The following OR1J2 variants were observed in gnomAD, a reference collection of about 807,000 sequenced individuals.
OR1J2 encodes olfactory receptor family 1 subfamily J member 2.
For synonymous variants in OR1J2, 142 were observed against 99.7 expected (o/e 1.42, Z -2.52); for missense variants, 304 against 246.1 (o/e 1.24, Z -1.57).
At chr9:122,533,274 T>C in the OR1J2 span, among the ~76,000 whole-genome samples, 1 of 152,150 alleles carries the variant, frequency 6.6e-6, no homozygotes, top group Admixed American at 6.5e-5. Flanking sequence ...TTAGGACAGG[T>C]AAAATGGGGG....
chr9:122,518,991 A>AT, the OR1J2 span: 12 of 617,598 alleles, frequency 1.9e-5, no homozygotes, highest in African/African-American at 1.3e-4. Context: ...ACTTGAAATG[A>AT]TTTTTTGTAG....
chr9:122,483,828 TA>T, the OR1J2 span, among the ~76,000 whole-genome samples: 1 of 152,148 alleles, frequency 6.6e-6, no homozygotes, highest in African/African-American at 2.4e-5. Context: ...TTTCTCTAAA[TA>T]AAAAATAAAT....
chr9:122,563,363 T>A, the OR1J2 span, among the ~76,000 whole-genome samples: 1 of 152,230 alleles, frequency 6.6e-6, no homozygotes. Flanking sequence ...TGATTAGTGA[T>A]ACTGAGCATT....
chr9:122,566,957 G>A, the OR1J2 span, among the ~76,000 whole-genome samples: 1 of 150,760 alleles, frequency 6.6e-6, no homozygotes, highest in Non-Finnish European at 1.5e-5. Flanking sequence ...AAATATAAGA[G>A]GAAATTAAAA....
chr9:122,542,937 A>G, the OR1J2 span, among the ~76,000 whole-genome samples: 1 of 152,206 alleles, frequency 6.6e-6, no homozygotes, highest in African/African-American at 2.4e-5. Context: ...GTTGTGGTGT[A>G]TGTCAGTAAC....
At chr9:122,526,980 A>G in the OR1J2 span, 5 of 1,614,092 alleles carry the variant, frequency 3.1e-6, no homozygotes, top group African/African-American at 6.7e-5. Flanking sequence ...TAGATCACCA[A>G]ACATCAGAAA....
chr9:122,450,472 AAAT>A, the OR1J2 span, among the ~76,000 whole-genome samples: 6 of 152,234 alleles, frequency 3.9e-5, no homozygotes, highest in African/African-American at 1.4e-4. Flanking sequence ...TGTAATTGAC[AAAT>A]AATAAACATA....
chr9:122,478,523 A>G, the OR1J2 span, among the ~76,000 whole-genome samples: 2 of 152,126 alleles, frequency 1.3e-5, no homozygotes, highest in Non-Finnish European at 2.9e-5. Flanking sequence ...ATCTTTTTTT[A>G]AGACATAACA....
At chr9:122,533,037 C>T in the OR1J2 span, among the ~76,000 whole-genome samples, 16 of 152,192 alleles carry the variant, frequency 1.1e-4, no homozygotes, top group East Asian at 7.8e-4. Flanking sequence ...TTTGCTGAGC[C>T]TAATGGGTGT....
chr9:122,522,940 G>T, the OR1J2 span, among the ~76,000 whole-genome samples: 2 of 152,196 alleles, frequency 1.3e-5, no homozygotes. Context: ...TGTATTAAAA[G>T]CTGTACCTGT....
the OR1J2 span, among the ~76,000 whole-genome samples, chr9:122,539,893 T>G: frequency 5.0e-3 from 760 of 152,136 alleles, 4 homozygotes; most frequent in African/African-American, 0.017. Flanking sequence ...TCATGTGTCT[T>G]TTGGCTGCAT....
the OR1J2 span, among the ~76,000 whole-genome samples, chr9:122,561,876 A>G: frequency 6.6e-6 from 1 of 152,302 alleles, no homozygotes; most frequent in East Asian, 1.9e-4. Context: ...TGGAGGGGGT[A>G]TGCTGTGCTG....
At chr9:122,526,944 G>A in the OR1J2 span, 38 of 1,614,070 alleles carry the variant, frequency 2.4e-5, no homozygotes, top group Non-Finnish European at 2.9e-5. Flanking sequence ...GCGGTCATAC[G>A]CCATGGCAGC....
the OR1J2 span, among the ~76,000 whole-genome samples, chr9:122,498,840 C>T: frequency 6.6e-6 from 1 of 151,986 alleles, no homozygotes; most frequent in Non-Finnish European, 1.5e-5. Flanking sequence ...TTTATTATTT[C>T]CCTTTTCTCC....
At chr9:122,527,831 C>G in the OR1J2 span, among the ~76,000 whole-genome samples, 5 of 152,198 alleles carry the variant, frequency 3.3e-5, no homozygotes, top group Non-Finnish European at 7.3e-5. Flanking sequence ...CATCATCATC[C>G]TGTAGCTAAC....
At chr9:122,512,573 A>G (rs1394688856), downstream of OR1J2, among the ~76,000 whole-genome samples, 1 of 152,208 alleles carries the variant, frequency 6.6e-6, no homozygotes, top group Non-Finnish European at 1.5e-5. Context: ...TATTTCAGTA[A>G]TAGAGAAATC....
the OR1J2 span, chr9:122,572,746 T>C: frequency 0.13 from 19,649 of 152,198 alleles, 1,527 homozygotes; most frequent in African/African-American, 0.2. Flanking sequence ...CAAACTGGGT[T>C]GGCTAGGTAG....
the OR1J2 span, among the ~76,000 whole-genome samples, chr9:122,521,931 C>T: frequency 3.3e-5 from 5 of 152,214 alleles, no homozygotes; most frequent in African/African-American, 4.8e-5. Flanking sequence ...ATGGCAAGCT[C>T]ACTTGTCTGT....
chr9:122,464,551 C>T, the OR1J2 span, among the ~76,000 whole-genome samples: 1 of 152,120 alleles, frequency 6.6e-6, no homozygotes, highest in Non-Finnish European at 1.5e-5. Context: ...CTACACATGC[C>T]ACTCTGTCCG....
Sources: gnomAD v4.1 joint callset for allele counts (sites outside exome capture counted in the v4.1 genomes callset) on GRCh38, gnomAD v4.1.1 for gene constraint, MANE v1.5 for transcripts, NCBI Gene and HGNC (gene_info 2026-07-23, HGNC 2026-07-21) for gene names.